BTBD8: variants seen among roughly 807,000 people sequenced by gnomAD.
BTBD8 encodes the protein BTB domain containing 8.
BTBD8 carries 110 observed loss-of-function variants against 162.9 expected under a neutral mutation model. The observed-to-expected ratio is 0.68, with a 90% CI of 0.58 to 0.79. The LOEUF (loss-of-function observed/expected upper bound fraction) is 0.79. BTBD8 is among the 30% of genes least tolerant of loss of function. The pLI, the probability that BTBD8 is intolerant of heterozygous loss-of-function variation, is 0.00. For synonymous variants in BTBD8, 667 were observed against 716.1 expected (o/e 0.93, Z 1.10); for missense variants, 1,905 against 2,085.4 (o/e 0.91, Z 1.68).
intron 2 of BTBD8, among the ~76,000 whole-genome samples, chr1:92,096,093 T>C (rs143118865): frequency 1.8e-4 from 28 of 152,134 alleles, no homozygotes; most frequent in African/African-American, 6.7e-4. Context: ...TGCCTCAGTC[T>C]CACAAGTAGC....
chr1:92,124,873 T>C (rs1649310838), intron 4 of BTBD8, among the ~76,000 whole-genome samples: 1 of 152,228 alleles, frequency 6.6e-6, no homozygotes, highest in South Asian at 2.1e-4. Context: ...TGGTGAGTTT[T>C]GAACTAGAAC....
At chr1:92,090,163 G>T (rs895473464) in intron 2 of BTBD8, among the ~76,000 whole-genome samples, 1 of 152,166 alleles carries the variant, frequency 6.6e-6, no homozygotes, top group African/African-American at 2.4e-5. Context: ...CTAGGAGTGG[G>T]ATTGCTGGAT....
chr1:92,085,634 G>A (rs1185531688), intron 1 of BTBD8, among the ~76,000 whole-genome samples: 2 of 152,162 alleles, frequency 1.3e-5, no homozygotes, highest in Admixed American at 6.5e-5. Flanking sequence ...GGAGGCTGAG[G>A]CAGGAGAATT....
intron 9 of BTBD8, among the ~76,000 whole-genome samples, chr1:92,154,198 T>C (rs1327826440): frequency 2.0e-5 from 3 of 152,206 alleles, no homozygotes; most frequent in Non-Finnish European, 4.4e-5. Flanking sequence ...GCCATGCTTG[T>C]ACAGCCTGCA....
chr1:92,126,890 T>C (rs1317599079), intron 4 of BTBD8, among the ~76,000 whole-genome samples: 2 of 152,206 alleles, frequency 1.3e-5, no homozygotes, highest in African/African-American at 2.4e-5. Context: ...GAATAAATGA[T>C]TTCTCATTAA....
intron 4 of BTBD8, among the ~76,000 whole-genome samples, chr1:92,109,255 T>G (rs1323393362): frequency 2.0e-5 from 3 of 149,782 alleles, no homozygotes; most frequent in Non-Finnish European, 4.5e-5. Context: ...TTGTTTTCTT[T>G]TTTTTTTTTT....
chr1:92,087,423 A>G (rs1648190468), intron 1 of BTBD8, among the ~76,000 whole-genome samples: 1 of 152,204 alleles, frequency 6.6e-6, no homozygotes, highest in Non-Finnish European at 1.5e-5. Context: ...ACTTATGAAA[A>G]TAATTTATTG....
chr1:92,135,945 A>G (rs1188940036), intron 5 of BTBD8, among the ~76,000 whole-genome samples: 4 of 152,210 alleles, frequency 2.6e-5, no homozygotes, highest in Admixed American at 2.6e-4. Flanking sequence ...TTACACATTC[A>G]AGTAATTATG....
chr1:92,087,269 A>G (rs1489743357), intron 1 of BTBD8, among the ~76,000 whole-genome samples: 1 of 150,348 alleles, frequency 6.7e-6, no homozygotes, highest in Non-Finnish European at 1.5e-5. Context: ...TTGTATGGCT[A>G]CCAGCTGCAG....
chr1:92,174,747 G>A (rs912741306), intron 13 of BTBD8, among the ~76,000 whole-genome samples: 2 of 152,120 alleles, frequency 1.3e-5, no homozygotes, highest in African/African-American at 4.8e-5. Flanking sequence ...CTACGCTGTG[G>A]ACAGGCATAA....
intron 3 of BTBD8, among the ~76,000 whole-genome samples, chr1:92,104,287 G>C (rs112712327): frequency 0.012 from 1,891 of 152,246 alleles, 15 homozygotes; most frequent in Non-Finnish European, 0.021. Context: ...GATTTATCCT[G>C]GTTAGATTCC....
chr1:92,125,413 G>A (rs1300994647), intron 4 of BTBD8: 2 of 293,854 alleles, frequency 6.8e-6, no homozygotes, highest in East Asian at 9.4e-5. Context: ...CTATTGTGCA[G>A]TTATGTACTG....
At position 92,182,432 on chromosome 1, in the gene BTBD8, A is replaced by G. The variant is rs896868574; in HGVS notation, c.4749A>G (p.Pro1583=). The G allele has an allele frequency of 8.4e-6, 13 of 1,551,280 alleles. 2 individuals are homozygous for G. The highest frequency in any genetic ancestry group is 6.8e-5 in the African/African-American group (5 of 73,010). Residue 1583 remains proline (P), a synonymous_variant, in exon 17 of 18, where the codon CCA becomes CCG. Transcript: ENST00000636805. ...GTGATGTAAAATCTCAAGAAAGACC[A>G]TGTCACTTGGATCTTCATCAAAGAG... The part of the protein sequence containing the change: ...LDSDVKSQER[P]CHLDLHQREP...
rs2100693473 is a variant in BTBD8 at position 92,181,398 on chromosome 1, A to G, written c.3715A>G (p.Thr1239Ala). The change falls in exon 17 of 18, where the codon ACT becomes GCT. Residue 1239 changes from threonine (T) to alanine (A), a missense_variant. Thr to Ala is a moderately conservative substitution (Grantham distance 58). This residue lies in a region of BTBD8 where 1,374 missense variants were observed against 1,442.7 expected (regional missense o/e 0.95). Transcript: ENST00000636805. ...TPFVGHWNLS[T>A]GVLHQRESPE... Reference sequence around the variant, plus strand: ...ATTTGTGGGTCACTGGAATTTGAGTACTGGTGTTCTGCATCAGCGAGAGAG... The same window carrying G: ...ATTTGTGGGTCACTGGAATTTGAGTGCTGGTGTTCTGCATCAGCGAGAGAG... The G allele has an allele frequency of 6.4e-7, 1 of 1,551,718 alleles. No individual in the cohort carries two copies. The highest frequency in any genetic ancestry group is 2.4e-5 in the East Asian group (1 of 40,914).
intron 5 of BTBD8, among the ~76,000 whole-genome samples, chr1:92,135,751 T>C (rs1047678866): frequency 7.9e-5 from 12 of 152,188 alleles, no homozygotes; most frequent in Non-Finnish European, 1.5e-5. Context: ...TATATATTGA[T>C]ATATAGGTTC....
intron 5 of BTBD8, among the ~76,000 whole-genome samples, chr1:92,135,082 G>T (rs1461082679): frequency 1.3e-5 from 2 of 151,700 alleles, no homozygotes; most frequent in Non-Finnish European, 2.9e-5. Context: ...GTAGAGACGG[G>T]GTTTCTCCAT....
intron 9 of BTBD8, among the ~76,000 whole-genome samples, chr1:92,155,849 T>C (rs2100649997): frequency 6.6e-6 from 1 of 152,320 alleles, no homozygotes; most frequent in South Asian, 2.1e-4. Context: ...TAGAGTTTGC[T>C]ATATATAAGA....
chr1:92,101,133 C>T (rs1035122314), intron 2 of BTBD8, among the ~76,000 whole-genome samples: 1 of 152,180 alleles, frequency 6.6e-6, no homozygotes, highest in Non-Finnish European at 1.5e-5. Flanking sequence ...TATGTCTTTG[C>T]ATCCTCATAG....
chr1:92,099,478 C>T (rs998851253), intron 2 of BTBD8, among the ~76,000 whole-genome samples: 1 of 149,720 alleles, frequency 6.7e-6, no homozygotes, highest in African/African-American at 2.5e-5. Flanking sequence ...ATCTGTAGAT[C>T]AATTCAGAAA....
Sources: allele counts gnomAD v4.1 joint callset (sites outside exome capture counted in the v4.1 genomes callset), GRCh38; gene constraint gnomAD v4.1.1; regional missense constraint gnomAD v4.1.1; transcripts MANE v1.5; gene names NCBI Gene and HGNC (gene_info 2026-07-23, HGNC 2026-07-21).